Variants in CHIT1 observed in about 807,000 individuals in gnomAD.
CHIT1 encodes the protein chitotriosidase-1.
Under a neutral mutation model 52.0 loss-of-function variants are expected in CHIT1, and 47 were observed. The observed-to-expected ratio is 0.90, with a 90% CI of 0.71 to 1.15. CHIT1 has a LOEUF of 1.15. Among genes scored for constraint, CHIT1 ranks in the 50% most tolerant of loss-of-function variants. CHIT1 has a pLI of 0.00. For missense variants in CHIT1, 569 were observed against 583.0 expected, an observed-to-expected ratio of 0.98 and a Z score of 0.25; for synonymous variants, 242 against 228.2, an observed-to-expected ratio of 1.06 and a Z score of -0.54.
At chr1:203,219,954 C>T (rs1422601104) in intron 7 of CHIT1, 105 bp from the exon 8 acceptor site, 1 of 1,370,044 alleles carries the variant, frequency 7.3e-7, no homozygotes, top group Non-Finnish European at 1.0e-6. Context: ...GGCTCCTCAG[C>T]TGGAGCTCTA....
chr1:203,228,315 G>A (rs981276330), intron 2 of CHIT1, among the ~76,000 whole-genome samples: 1 of 152,234 alleles, frequency 6.6e-6, no homozygotes, highest in Non-Finnish European at 1.5e-5. Flanking sequence ...GCGCAAGCTG[G>A]CCCCACAGAT....
At chr1:203,225,199 G>T in intron 3 of CHIT1, 95 bp from the exon 4 acceptor site, 3 of 1,192,726 alleles carry the variant, frequency 2.5e-6, no homozygotes, top group Non-Finnish European at 3.7e-6. Context: ...CAGGGGTGGG[G>T]ACGTGTGAAA....
rs1314236293 is a variant in CHIT1 at position 203,223,686 on chromosome 1, G to A, written c.315-26C>T. ...CTGTGAGGTGATGAAGGGGAGTAAG[G>A]GCCGGCCTTGGACCAGACAGGAGGC... is the stretch of plus-strand genomic sequence containing the variant. On this transcript the variant is annotated intron_variant, in intron 4 of 10. Coordinates refer to ENST00000367229, the MANE Select transcript of CHIT1 (RefSeq NM_003465.3). 5 of 1,613,570 alleles carry A rather than the reference G, an allele frequency of 3.1e-6. No homozygotes were observed. In the South Asian group the frequency reaches 3.3e-5, roughly 11 times the overall value.
At chr1:203,228,497 G>A (rs1313125750) in intron 2 of CHIT1, 36 bp downstream of exon 2, 2 of 1,572,322 alleles carry the variant, frequency 1.3e-6, no homozygotes, top group African/African-American at 1.4e-5. Context: ...AGAGCCCAGG[G>A]AAGGGGCTGA....
chr1:203,225,797 G>T lies in CHIT1; in HGVS notation c.129C>A (p.Pro43=). The change falls in exon 3 of 11, where the codon CCC becomes CCA. Residue 43 remains proline (P), a synonymous_variant. Transcript: ENST00000367229. ...TGCAAAGGCTGGGGTCCAAGTCCTT[G>T]GGCAGGAAGCGAGCCTCCCCCTGTC... The part of the protein sequence containing the change: ...QYRQGEARFL[P]KDLDPSLCTH... 1 of 1,614,222 alleles carries T rather than the reference G, an allele frequency of 6.2e-7. No homozygotes were observed. The highest frequency in any genetic ancestry group is 8.5e-7 in the Non-Finnish European group (1 of 1,180,030).
chr1:203,229,744 G>C (rs780536177), upstream of CHIT1: 7 of 1,359,428 alleles, frequency 5.1e-6, no homozygotes, highest in Non-Finnish European at 7.3e-6. Context: ...TTGCAATCAG[G>C]GGCACTGGGT....
chr1:203,217,169 C>T (rs758673291), intron 10 of CHIT1, 36 bp from the exon 11 acceptor site: 21 of 1,599,280 alleles, frequency 1.3e-5, no homozygotes, highest in East Asian at 6.7e-5. Context: ...AAGGCTCCCC[C>T]GAAGAGATCC....
chr1:203,220,219 C>T (rs745842776), intron 7 of CHIT1, among the ~76,000 whole-genome samples: 5 of 152,182 alleles, frequency 3.3e-5, no homozygotes, highest in Non-Finnish European at 5.9e-5. Context: ...CTCACTGAAC[C>T]TTGGTGTTCT....
At chr1:203,227,873 C>T (rs1656982568) in intron 2 of CHIT1, among the ~76,000 whole-genome samples, 1 of 152,326 alleles carries the variant, frequency 6.6e-6, no homozygotes, top group South Asian at 2.1e-4. Context: ...AATGCTACAG[C>T]CCAGCGTGAG....
chr1:203,228,579 G>C lies in CHIT1; in HGVS notation c.26-17C>G. 1.3e-6 allele frequency: 2 copies of C among 1,579,120 alleles called. No individual in the cohort carries two copies. The highest frequency in any genetic ancestry group is 2.3e-5 in the East Asian group (1 of 43,052). ...CCATGAAACCTGGAGCAACACAAGA[G>C]AGAAGGCCAGGGTTATGCTGCCATT... On this transcript the variant is annotated splice_polypyrimidine_tract_variant and intron_variant, in intron 1 of 10. Coordinates refer to ENST00000367229, the MANE Select transcript of CHIT1 (RefSeq NM_003465.3).
intron 2 of CHIT1, among the ~76,000 whole-genome samples, chr1:203,227,642 C>T (rs183969935): frequency 2.9e-3 from 436 of 152,270 alleles, no homozygotes; most frequent in Non-Finnish European, 4.8e-3. Context: ...GTAAAACACT[C>T]GGAGGAACAC....
chr1:203,219,997 T>C (rs1656676068), intron 7 of CHIT1, 148 bp from the exon 8 acceptor site: 4 of 979,748 alleles, frequency 4.1e-6, no homozygotes, highest in East Asian at 5.2e-5. Flanking sequence ...CCCTACCCCA[T>C]CTTCTTTAGA....
At position 203,216,239 on chromosome 1, in the gene CHIT1, G is replaced by A. The variant is rs1277187194; in HGVS notation, c.*650C>T. 2.2e-6 allele frequency: 1 copy of A among 454,084 alleles called. No homozygotes were observed. The highest frequency in any genetic ancestry group is 1.6e-5 in the South Asian group (1 of 64,478). 28.1% of individuals were successfully genotyped at this position (454,084 alleles called of 1,614,324 possible). A position where few individuals can be genotyped will look rare whatever the true frequency, so the allele number is the denominator to read the frequency against. On this transcript the variant is annotated 3_prime_UTR_variant, in exon 11 of 11. Transcript: ENST00000367229. ...TTCCTTCTTCATCTGGTGAACGGGG[G>A]CAGTAGGTGAGATAGGGCCTGCAAA...
Position 203,216,235 on chromosome 1 carries a change from G to T in CHIT1, c.*654C>A. ...ATTGTTCCTTCTTCATCTGGTGAACGGGGGCAGTAGGTGAGATAGGGCCTG... is the reference window on the plus strand; with the variant it reads ...ATTGTTCCTTCTTCATCTGGTGAACTGGGGCAGTAGGTGAGATAGGGCCTG... On this transcript the variant is annotated 3_prime_UTR_variant, in exon 11 of 11. Transcript: ENST00000367229. The T allele has an allele frequency of 2.2e-6, 1 of 454,098 alleles. No homozygotes were observed. Among genetic ancestry groups the T allele is most frequent in the Non-Finnish European group, 4.4e-6 (1 of 226,792 alleles). The allele number at this position is 454,098 out of a possible 1,614,324, so 28.1% of individuals were successfully genotyped here.
rs1215749505 is a variant in CHIT1 at position 203,216,584 on chromosome 1, C to CA, written c.*304dup. On this transcript the variant is annotated 3_prime_UTR_variant, in exon 11 of 11. Coordinates refer to ENST00000367229, the MANE Select transcript of CHIT1 (RefSeq NM_003465.3). ...AGGGCCTGGCACATCCTGCACGGACCACCTTCCCACCTGGCTCTGACCTGC... is the reference window on the plus strand; with the variant it reads ...AGGGCCTGGCACATCCTGCACGGACCAACCTTCCCACCTGGCTCTGACCTGC... 1 of 491,600 alleles carries CA rather than the reference C, an allele frequency of 2.0e-6. No homozygotes were observed. The highest frequency in any genetic ancestry group is 4.0e-6 in the Non-Finnish European group (1 of 251,950). 30.5% of individuals were successfully genotyped at this position (491,600 alleles called of 1,614,324 possible). A position where few individuals can be genotyped will look rare whatever the true frequency, so the allele number is the denominator to read the frequency against.
rs1024164200 is a variant in CHIT1 at position 203,216,261 on chromosome 1, C to T, written c.*628G>A. On this transcript the variant is annotated 3_prime_UTR_variant, in exon 11 of 11. Transcript: ENST00000367229. ...GGGGCAGTAGGTGAGATAGGGCCTG[C>T]AAAGGGCCCAAACAGGATTTATCTC... The T allele has an allele frequency of 2.0e-5, 9 of 453,922 alleles. No individual in the cohort carries two copies. Among genetic ancestry groups the T allele is most frequent in the African/African-American group, 1.8e-4 (9 of 49,988 alleles). The allele number at this position is 453,922 out of a possible 1,614,324, so 28.1% of individuals were successfully genotyped here. A position where few individuals can be genotyped will look rare whatever the true frequency, so the allele number is the denominator to read the frequency against.
intron 3 of CHIT1, 93 bp from the exon 4 acceptor site, chr1:203,225,197 G>C: frequency 1.7e-6 from 2 of 1,205,156 alleles, no homozygotes; most frequent in East Asian, 2.3e-5. Context: ...AACAGGGGTG[G>C]GGACGTGTGA....
chr1:203,224,650 G>A (rs1057486237), intron 4 of CHIT1, among the ~76,000 whole-genome samples: 1 of 152,120 alleles, frequency 6.6e-6, no homozygotes, highest in Non-Finnish European at 1.5e-5. Flanking sequence ...TTTGTACTCA[G>A]AAGTGGAATA....
At position 203,218,365 on chromosome 1, in the gene CHIT1, G is replaced by C. The variant is rs114160376; in HGVS notation, c.1030-500C>G. On this transcript the variant is annotated intron_variant, in intron 9 of 10. Coordinates refer to ENST00000367229, the MANE Select transcript of CHIT1 (RefSeq NM_003465.3). ...ACCAGATTCCTGAGGCTTCCTGAGG[G>C]TATGACTGTGTGTTCCCTCAGAGTG... Among the ~76,000 whole-genome samples the C allele has an allele frequency of 6.2e-3, 942 of 152,230 alleles. 16 individuals are homozygous for C. The highest frequency in any genetic ancestry group is 0.022 in the African/African-American group (914 of 41,522).
Sources: allele counts gnomAD v4.1 joint callset (sites outside exome capture counted in the v4.1 genomes callset), GRCh38; gene constraint gnomAD v4.1.1; transcripts MANE v1.5; gene names NCBI Gene and HGNC (gene_info 2026-07-23, HGNC 2026-07-21).